NADK2: variants seen among roughly 807,000 people sequenced by gnomAD.
The protein encoded by NADK2 is NAD kinase 2, mitochondrial.
Under a neutral mutation model 62.1 loss-of-function variants are expected in NADK2, and 35 were observed. The ratio of observed to expected loss-of-function variants is 0.56; its 90% CI spans 0.43 to 0.75. The LOEUF (loss-of-function observed/expected upper bound fraction) is 0.75. Ranked by LOEUF, NADK2 falls within the 30% of genes least tolerant of loss-of-function variation. NADK2 has a pLI of 0.00. For missense variants in NADK2, 439 were observed against 561.3 expected (o/e 0.78, Z 2.20); for synonymous variants, 205 against 207.9 (o/e 0.99, Z 0.12).
At chr5:36,203,891 T>C (rs1746538481) in intron 8 of NADK2, among the ~76,000 whole-genome samples, 1 of 152,106 alleles carries the variant, frequency 6.6e-6, no homozygotes, top group South Asian at 2.1e-4. Flanking sequence ...TTCAACTATG[T>C]GACCTCTATA....
At chr5:36,232,543 C>T (rs1282015475) in intron 1 of NADK2, among the ~76,000 whole-genome samples, 2 of 151,614 alleles carry the variant, frequency 1.3e-5, no homozygotes, top group African/African-American at 2.4e-5. Flanking sequence ...GATACTCAAC[C>T]ATTCACCTAA....
chr5:36,195,407 G>T, intron 11 of NADK2, 125 bp from the exon 12 acceptor site: 1 of 973,126 alleles, frequency 1.0e-6, no homozygotes, highest in Non-Finnish European at 1.5e-6. Flanking sequence ...TCTGGTATGA[G>T]AAAATTAGTC....
At chr5:36,197,796 T>A (rs1394662226) in intron 10 of NADK2, 132 bp from the exon 11 acceptor site, 1 of 686,818 alleles carries the variant, frequency 1.5e-6, no homozygotes, top group Non-Finnish European at 2.2e-6. Flanking sequence ...TTCTTGAAAC[T>A]CGTAACACAT....
chr5:36,226,487 T>C lies in NADK2; in HGVS notation c.466A>G (p.Ile156Val). The change falls in exon 3 of 12, where the codon ATA (isoleucine) becomes GTA (valine). Residue 156 changes from isoleucine (I) to valine (V), a missense_variant. Coordinates refer to ENST00000381937, the MANE Select transcript of NADK2 (RefSeq NM_001085411.3). ...EETVRWADAV[I>V]AAGGDGTMLL... is the part of the protein sequence containing the mutation. ...GTCAAATTATTACCTCCTGCAGCTA[T>C]GACAGCATCTGCCCATCGAACAGTC... is the stretch of plus-strand genomic sequence containing the variant. The C allele has an allele frequency of 6.2e-7, 1 of 1,612,408 alleles. No individual in the cohort carries two copies. Among genetic ancestry groups the C allele is most frequent in the Non-Finnish European group, 8.5e-7 (1 of 1,178,952 alleles).
chr5:36,233,744 G>A (rs1025542683), intron 1 of NADK2, among the ~76,000 whole-genome samples: 2 of 152,044 alleles, frequency 1.3e-5, no homozygotes, highest in Non-Finnish European at 2.9e-5. Flanking sequence ...TATGTACTGA[G>A]TCACAATGTA....
At chr5:36,235,508 G>C (rs1264681587) in intron 1 of NADK2, among the ~76,000 whole-genome samples, 2 of 152,164 alleles carry the variant, frequency 1.3e-5, no homozygotes, top group Non-Finnish European at 2.9e-5. Context: ...CTGATTCAGA[G>C]AGGTTAGGTT....
chr5:36,217,867 C>T lies in NADK2; in HGVS notation c.662G>A (p.Arg221Lys). Residue 221 changes from arginine (R) to lysine (K), a missense_variant, in exon 6 of 12, where the codon AGA becomes AAA. Transcript: ENST00000381937. ...AGTCCCTTCAAGGTATAACCTGATT[C>T]TCTGCCTCCACAACCACCTTAGAAA... ...RGEFRWLWRQRIRLYLEGTGI... is the reference protein window; with the variant it reads ...RGEFRWLWRQKIRLYLEGTGI... 1 of 1,613,108 alleles carries T rather than the reference C, an allele frequency of 6.2e-7. No individual in the cohort carries two copies. Among genetic ancestry groups the T allele is most frequent in the Non-Finnish European group, 8.5e-7 (1 of 1,179,368 alleles).
chr5:36,199,011 T>C (rs1579595168), intron 10 of NADK2, among the ~76,000 whole-genome samples: 2 of 146,106 alleles, frequency 1.4e-5, no homozygotes, highest in Non-Finnish European at 3.0e-5. Flanking sequence ...TGAGAACACA[T>C]GGACACAGGA....
At position 36,226,692 on chromosome 5, in the gene NADK2, A is replaced by G. The variant is rs952542607; in HGVS notation, c.390-129T>C. On this transcript the variant is annotated intron_variant, in intron 2 of 11. Transcript: ENST00000381937. ...ATTTGTGTCTTATAAACAAATTTAC[A>G]TGGAGCTTTATAACATTATCTTTGT... is the stretch of plus-strand genomic sequence containing the variant. 8.4e-6 allele frequency: 5 copies of G among 595,360 alleles called. No individual in the cohort carries two copies. In the Admixed American group the frequency reaches 1.3e-4, roughly 16 times the overall value. 36.9% of individuals were successfully genotyped at this position (595,360 alleles called of 1,614,324 possible).
Position 36,219,675 on chromosome 5 carries a change from C to G in NADK2, c.565G>C (p.Glu189Gln). 6.2e-7 allele frequency: 1 copy of G among 1,612,938 alleles called. No homozygotes were observed. Residue 189 changes from glutamate (E) to glutamine (Q), a missense_variant, in exon 5 of 12, where the codon GAG (glutamate) becomes CAG (glutamine). By Grantham distance (29) the Glu-to-Gln change is conservative. Transcript: ENST00000381937. Reference sequence around the variant, plus strand: ...CGAACGGGCAGGCATAAATGACCCTCAGACCTATATTTTAACAGGAATTTT... The same window carrying G: ...CGAACGGGCAGGCATAAATGACCCTGAGACCTATATTTTAACAGGAATTTT... ...IGVNTDPERS[E>Q]GHLCLPVRYT...
chr5:36,226,138 G>C (rs926828591), intron 3 of NADK2, among the ~76,000 whole-genome samples: 3 of 152,034 alleles, frequency 2.0e-5, no homozygotes, highest in Non-Finnish European at 4.4e-5. Flanking sequence ...GGACCAAAGA[G>C]GAATAGAATT....
chr5:36,231,810 T>C (rs1354229333), intron 1 of NADK2, among the ~76,000 whole-genome samples: 1 of 152,184 alleles, frequency 6.6e-6, no homozygotes, highest in East Asian at 1.9e-4. Context: ...GTCTTACCAT[T>C]AAAAGGTTAG....
chr5:36,234,076 G>A (rs746464280), intron 1 of NADK2, among the ~76,000 whole-genome samples: 1 of 152,110 alleles, frequency 6.6e-6, no homozygotes, highest in Non-Finnish European at 1.5e-5. Flanking sequence ...TTGCACAGCA[G>A]TTAAAATGTA....
rs1747750996 is a variant in NADK2 at position 36,232,679 on chromosome 5, A to C, written c.301-5114T>G. 5.3e-5 allele frequency among the ~76,000 whole-genome samples: 8 copies of C among 151,880 alleles called. No homozygotes were observed. The South Asian group carries it at 1.5e-3, about 28-fold the overall frequency. Reference sequence around the variant, plus strand: ...ACCTTTATTTTCCCCAACGTTCTCTATTTCTGCATTCCTCTGTTAATTCTG... The same window carrying C: ...ACCTTTATTTTCCCCAACGTTCTCTCTTTCTGCATTCCTCTGTTAATTCTG... On this transcript the variant is annotated intron_variant, in intron 1 of 11. Coordinates refer to ENST00000381937, the MANE Select transcript of NADK2 (RefSeq NM_001085411.3).
At chr5:36,233,576 T>C (rs1747787797) in intron 1 of NADK2, among the ~76,000 whole-genome samples, 1 of 151,150 alleles carries the variant, frequency 6.6e-6, no homozygotes, top group Non-Finnish European at 1.5e-5. Context: ...CAGCCAGCAT[T>C]ATCATTAACT....
chr5:36,217,887 T>C lies in NADK2; in HGVS notation c.645-3A>G, dbSNP rs1360357385. On this transcript the variant is annotated splice_polypyrimidine_tract_variant and splice_region_variant and intron_variant, in intron 5 of 11. Coordinates refer to ENST00000381937, the MANE Select transcript of NADK2 (RefSeq NM_001085411.3). ...TGATTCTCTGCCTCCACAACCACCT[T>C]AGAAAAATGAAGAAAAGGCAAATTA... 4 of 1,611,792 alleles carry C rather than the reference T, an allele frequency of 2.5e-6. No homozygotes were observed. In the South Asian group the frequency reaches 3.3e-5, roughly 13 times the overall value.
chr5:36,240,737 T>G (rs1474619038), intron 1 of NADK2, among the ~76,000 whole-genome samples: 1 of 152,186 alleles, frequency 6.6e-6, no homozygotes, highest in Non-Finnish European at 1.5e-5. Flanking sequence ...ATATGGTATA[T>G]TGTGGAGATA....
chr5:36,204,641 G>T (rs996161096), intron 8 of NADK2, among the ~76,000 whole-genome samples: 1 of 151,872 alleles, frequency 6.6e-6, no homozygotes, highest in Non-Finnish European at 1.5e-5. Context: ...AAAATTATTG[G>T]AAAATTCATT....
intron 6 of NADK2, among the ~76,000 whole-genome samples, chr5:36,213,618 C>CATATATATATATATATACATATATAT (rs58371779): frequency 9.3e-6 from 1 of 107,536 alleles, no homozygotes; most frequent in Non-Finnish European, 2.0e-5. Context: ...TATATGCATG[C>CATATATATATATATATACATATATAT]ATATATATAT....
Sources: allele counts gnomAD v4.1 joint callset (sites outside exome capture counted in the v4.1 genomes callset), GRCh38; gene constraint gnomAD v4.1.1; transcripts MANE v1.5; gene names NCBI Gene and HGNC (gene_info 2026-07-23, HGNC 2026-07-21).